Variants in COL4A2 observed in about 807,000 individuals in gnomAD.
The protein encoded by COL4A2 is collagen alpha-2(IV) chain.
COL4A2 carries 99 observed loss-of-function variants against 200.2 expected under a neutral mutation model. The ratio of observed to expected loss-of-function variants is 0.49; its 90% CI spans 0.42 to 0.58. The LOEUF (loss-of-function observed/expected upper bound fraction) is 0.58, where lower values mean the gene tolerates loss of function less well. Among genes scored for constraint, COL4A2 ranks in the 20% least tolerant of loss-of-function variants. COL4A2 has a pLI of 0.00. For missense variants in COL4A2, 1,950 were observed against 2,314.1 expected (o/e 0.84, Z 3.23); for synonymous variants, 897 against 900.6 (o/e 1.00, Z 0.07).
rs149440698 is a variant in COL4A2, at chr13:110,317,771, A to G, written c.99+9648A>G. On this transcript the variant is annotated intron_variant, in intron 3 of 47. Transcript: ENST00000360467. ...GCTGCTGCAGCTATGTAAAGGGGAA[A>G]AGGAGGGGCAAACACGGCTTTATGT... Among the ~76,000 whole-genome samples the G allele has an allele frequency of 1.7e-4, 26 of 152,318 alleles. No individual in the cohort carries two copies. The East Asian group carries it at 5.0e-3, about 29-fold the overall frequency.
chr13:110,506,421 C>T lies in COL4A2; in HGVS notation c.4409C>T (p.Pro1470Leu), dbSNP rs1183593059. Reference protein sequence around the residue: ...HQGPIGQEGAPGRPGSPGLPG... With the variant: ...HQGPIGQEGALGRPGSPGLPG... ...TCTCTTTCTCGGGCTGCAGGTGCAC[C>T]AGGCCGTCCAGGGAGCCCGGGCCTG... The change falls in exon 46 of 48, where the codon CCA becomes CTA. Residue 1470 changes from proline to leucine, a missense_variant. Pro to Leu is a moderately conservative substitution (Grantham distance 98). Around this residue, in one of 2 missense-constraint regions of COL4A2, gnomAD observed 1,385 missense variants for 1,720.5 expected, o/e 0.80. Transcript: ENST00000360467. 3 of 1,609,734 alleles carry T rather than the reference C, an allele frequency of 1.9e-6. No individual in the cohort carries two copies. Among genetic ancestry groups the T allele is most frequent in the South Asian group, 2.2e-5 (2 of 90,388 alleles).
At chr13:110,452,023 C>CT (rs1322352022) in intron 20 of COL4A2, among the ~76,000 whole-genome samples, 1 of 152,230 alleles carries the variant, frequency 6.6e-6, no homozygotes, top group Admixed American at 6.5e-5. Flanking sequence ...CTGACATTGC[C>CT]CCTAATAATC....
chr13:110,407,187 A>G (rs112105538), intron 4 of COL4A2, among the ~76,000 whole-genome samples: 94 of 152,356 alleles, frequency 6.2e-4, no homozygotes, highest in African/African-American at 2.2e-3. Flanking sequence ...TCTCTGGCCC[A>G]GGGCAGCACT....
At chr13:110,443,493 C>T (rs996579622) in intron 16 of COL4A2, among the ~76,000 whole-genome samples, 1 of 152,216 alleles carries the variant, frequency 6.6e-6, no homozygotes, top group African/African-American at 2.4e-5. Flanking sequence ...AACATAAAAT[C>T]AACCTTGTAC....
chr13:110,456,594 G>A (rs1020654579), intron 20 of COL4A2: 9 of 366,298 alleles, frequency 2.5e-5, no homozygotes, highest in Middle Eastern at 6.4e-4. Context: ...GAAGGCTATC[G>A]CCACAAAATA....
At chr13:110,357,662 T>C in intron 4 of COL4A2, 110 bp downstream of exon 4, 1 of 1,459,254 alleles carries the variant, frequency 6.9e-7, no homozygotes, top group Non-Finnish European at 9.3e-7. Context: ...TCATCATTGC[T>C]TGAACATACT....
intron 28 of COL4A2, among the ~76,000 whole-genome samples, chr13:110,469,971 G>A (rs1000675682): frequency 1.0e-4 from 15 of 143,268 alleles, no homozygotes; most frequent in Admixed American, 9.5e-4. Flanking sequence ...CTGGAGTGCA[G>A]TGGCACAATC....
At chr13:110,348,750 G>A (rs1398438785) in intron 3 of COL4A2, among the ~76,000 whole-genome samples, 1 of 151,618 alleles carries the variant, frequency 6.6e-6, no homozygotes, top group Non-Finnish European at 1.5e-5. Context: ...TTGTCACTTG[G>A]CGTAGGTTTT....
At chr13:110,321,815 A>G (rs1052828613) in intron 3 of COL4A2, among the ~76,000 whole-genome samples, 4 of 152,324 alleles carry the variant, frequency 2.6e-5, no homozygotes, top group South Asian at 4.2e-4. Flanking sequence ...CAGCAGGGGA[A>G]ATGTCAGATG....
intron 4 of COL4A2, among the ~76,000 whole-genome samples, chr13:110,361,843 C>G (rs1439570853): frequency 6.6e-6 from 1 of 152,228 alleles, no homozygotes; most frequent in East Asian, 1.9e-4. Context: ...CTGCCCACTT[C>G]CCCTCCCTGG....
At position 110,320,740 on chromosome 13, in the gene COL4A2, G is replaced by A. The variant is rs74126231; in HGVS notation, c.99+12617G>A. The stretch of plus-strand genomic sequence containing the variant: ...GATCATAGGTAGATAGAATTCATCC[G>A]TTTTAAAAGTTGCCTTTTTCTCCTT... On this transcript the variant is annotated intron_variant, in intron 3 of 47. Coordinates refer to ENST00000360467, the MANE Select transcript of COL4A2 (RefSeq NM_001846.4). Among the ~76,000 whole-genome samples the A allele has an allele frequency of 1.0e-3, 153 of 152,302 alleles. 1 individual carries two copies. In the Middle Eastern group the frequency reaches 0.034, roughly 34 times the overall value.
chr13:110,352,167 A>G lies in COL4A2; in HGVS notation c.100-5305A>G, dbSNP rs532973746. ...CCTCCTAGGCCTGGAGGTTAGGGGT[A>G]GCCAGTCTGTCTCTGCTTTCTAGCA... On this transcript the variant is annotated intron_variant, in intron 3 of 47. Transcript: ENST00000360467. Among the ~76,000 whole-genome samples the G allele has an allele frequency of 2.8e-4, 43 of 152,310 alleles. No homozygotes were observed. In the South Asian group the frequency reaches 8.3e-3, roughly 29 times the overall value.
Position 110,508,783 on chromosome 13 carries a change from G to A in COL4A2, c.4881+562G>A, listed in dbSNP as rs972720127. Among the ~76,000 whole-genome samples the A allele has an allele frequency of 2.6e-5, 4 of 152,252 alleles. No homozygotes were observed. The highest frequency in any genetic ancestry group is 1.9e-4 in the East Asian group (1 of 5,178). ...CTGGGAAGGCACCGCCCACCCTTCC[G>A]GATCGCCTTTGGGTATAAAATAGAG... On this transcript the variant is annotated intron_variant, in intron 47 of 47. Coordinates refer to ENST00000360467, the MANE Select transcript of COL4A2 (RefSeq NM_001846.4). This position sits in a 1 kb window ranked among gnomAD's most constrained non-coding sequence, Gnocchi z 6.1.
Position 110,480,258 on chromosome 13 carries a change from G to A in COL4A2, c.2626G>A (p.Ala876Thr), listed in dbSNP as rs779357792. 8.1e-6 allele frequency: 13 copies of A among 1,612,266 alleles called. No homozygotes were observed. Among genetic ancestry groups the A allele is most frequent in the East Asian group, 2.2e-5 (1 of 44,828 alleles). The stretch of plus-strand genomic sequence containing the variant: ...TAGAGGGGACCCTGGGGACACAGGC[G>A]CTCCTGGCCCTGTGGGCATGAAAGG... ...GDRGDPGDTG[A>T]PGPVGMKGLS... The change falls in exon 31 of 48, where the codon GCT becomes ACT. Residue 876 changes from alanine to threonine, a missense_variant. By Grantham distance (58) the Ala-to-Thr change is moderately conservative (BLOSUM62 0). Around this residue, in one of 2 missense-constraint regions of COL4A2, gnomAD observed 1,385 missense variants for 1,720.5 expected, o/e 0.80. Transcript: ENST00000360467.
chr13:110,414,790 G>A (rs1392807877), intron 4 of COL4A2, among the ~76,000 whole-genome samples: 1 of 152,244 alleles, frequency 6.6e-6, no homozygotes, highest in Non-Finnish European at 1.5e-5. Context: ...GCTTGTGTTT[G>A]CGTATTAAGC....
intron 4 of COL4A2, among the ~76,000 whole-genome samples, chr13:110,413,178 A>G (rs1314429214): frequency 1.3e-5 from 2 of 152,152 alleles, no homozygotes; most frequent in Non-Finnish European, 2.9e-5. Flanking sequence ...ACGTGGTCTA[A>G]AAATAGAAGA....
intron 3 of COL4A2, among the ~76,000 whole-genome samples, chr13:110,330,301 G>A (rs893237973): frequency 6.6e-6 from 1 of 152,102 alleles, no homozygotes; most frequent in Non-Finnish European, 1.5e-5. Flanking sequence ...GTAAGGTTTC[G>A]GGGCGAGTGT....
At chr13:110,312,616 A>C (rs1007163171) in intron 3 of COL4A2, among the ~76,000 whole-genome samples, 3 of 152,298 alleles carry the variant, frequency 2.0e-5, no homozygotes, top group African/African-American at 7.2e-5. Context: ...TCTGAAGAAG[A>C]ATGTTTGTCT....
chr13:110,503,094 C>T (rs1396408525), intron 41 of COL4A2, 27 bp from the exon 42 acceptor site: 32 of 1,610,282 alleles, frequency 2.0e-5, no homozygotes, highest in South Asian at 9.9e-5. Flanking sequence ...TGTTTAAACC[C>T]TCCTTTCTTG....
Sources: allele counts gnomAD v4.1 joint callset (sites outside exome capture counted in the v4.1 genomes callset), GRCh38; gene constraint gnomAD v4.1.1; regional missense constraint gnomAD v4.1.1; non-coding constraint Gnocchi (gnomAD v3.1); transcripts MANE v1.5; gene names NCBI Gene and HGNC (gene_info 2026-07-23, HGNC 2026-07-21).